Variants in CTNNA3 observed in about 807,000 individuals in gnomAD.
CTNNA3 encodes catenin alpha 3.
CTNNA3 carries 76 observed loss-of-function variants against 95.7 expected under a neutral mutation model. The ratio of observed to expected loss-of-function variants is 0.79; its 90% CI spans 0.66 to 0.96. CTNNA3 has a LOEUF of 0.96. CTNNA3 is among the 40% of genes least tolerant of loss of function. The pLI is 0.00. For synonymous variants in CTNNA3, 431 were observed against 374.4 expected (o/e 1.15, Z -1.74); for missense variants, 1,191 against 1,089.8 (o/e 1.09, Z -1.31).
At chr10:66,835,332 G>A (rs903436168) in intron 7 of CTNNA3, among the ~76,000 whole-genome samples, 3 of 152,192 alleles carry the variant, frequency 2.0e-5, no homozygotes, top group Non-Finnish European at 4.4e-5. Context: ...TGGACCAGCA[G>A]CATGATCATC....
intron 9 of CTNNA3, among the ~76,000 whole-genome samples, chr10:66,677,144 T>A (rs1229376373): frequency 6.6e-6 from 1 of 152,134 alleles, no homozygotes; most frequent in Non-Finnish European, 1.5e-5. Context: ...AATGACTGGT[T>A]TGAGCCAGAT....
chr10:67,522,107 A>G (rs1840005442), intron 4 of CTNNA3, 146 bp from the exon 5 acceptor site: 9 of 775,698 alleles, frequency 1.2e-5, no homozygotes, highest in East Asian at 2.7e-5. Flanking sequence ...TTATCTTTCA[A>G]TGAAATAATT....
At chr10:67,442,426 A>G (rs552640574) in intron 5 of CTNNA3, among the ~76,000 whole-genome samples, 4 of 151,910 alleles carry the variant, frequency 2.6e-5, no homozygotes, top group Admixed American at 2.6e-4. Context: ...TAAACAGATT[A>G]AAAAAAAGAG....
At position 67,277,955 on chromosome 10, in the gene CTNNA3, A is replaced by G. The variant is rs117855715; in HGVS notation, c.580-58085T>C. Among the ~76,000 whole-genome samples the G allele has an allele frequency of 0.018, 2,774 of 152,248 alleles. 232 individuals are homozygous for G. The East Asian group carries it at 0.25, about 14-fold the overall frequency. Reference sequence around the variant, plus strand: ...CAAGAAATAACTATAAGTATTATCAATAGAGCAGTCCAAGATGCTGCCCTG... The same window carrying G: ...CAAGAAATAACTATAAGTATTATCAGTAGAGCAGTCCAAGATGCTGCCCTG... On this transcript the variant is annotated intron_variant, in intron 5 of 17. Transcript: ENST00000433211.
At chr10:66,979,691 T>C (rs1850296962) in intron 7 of CTNNA3, among the ~76,000 whole-genome samples, 1 of 152,194 alleles carries the variant, frequency 6.6e-6, no homozygotes, top group Non-Finnish European at 1.5e-5. Flanking sequence ...ATAGGTGAGA[T>C]ACAGAGTACT....
At position 67,232,179 on chromosome 10, in the gene CTNNA3, C is replaced by A. The variant is rs375487214; in HGVS notation, c.580-12309G>T. ...CAGAGAACGCCACAAAGACACTCCT[C>A]GAGAAGAGCAACTCCAAGACACATA... On this transcript the variant is annotated intron_variant, in intron 5 of 17. Transcript: ENST00000433211. 6.8e-4 allele frequency among the ~76,000 whole-genome samples: 103 copies of A among 152,088 alleles called. 3 individuals are homozygous for A. The East Asian group carries it at 0.019, about 28-fold the overall frequency.
At chr10:67,238,987 A>G (rs886357360) in intron 5 of CTNNA3, among the ~76,000 whole-genome samples, 2 of 152,222 alleles carry the variant, frequency 1.3e-5, no homozygotes, top group African/African-American at 4.8e-5. Context: ...TAGAAACTCC[A>G]GATATGATTA....
intron 5 of CTNNA3, among the ~76,000 whole-genome samples, chr10:67,436,925 A>G (rs1012384366): frequency 6.6e-6 from 1 of 152,216 alleles, no homozygotes; most frequent in African/African-American, 2.4e-5. Context: ...AGATTTCTTA[A>G]AGAACTGAAA....
rs1477331294 is a variant in CTNNA3 at position 67,123,497 on chromosome 10, C to CA, written c.1047+56819dup. The stretch of plus-strand genomic sequence containing the variant: ...TATTTAATTTTATTTTGTCTTATAA[C>CA]AAAAAACTTTTTACTTTAAATCATT... On this transcript the variant is annotated intron_variant, in intron 7 of 17. Transcript: ENST00000433211. Among the ~76,000 whole-genome samples the CA allele has an allele frequency of 2.0e-5, 3 of 152,192 alleles. No individual in the cohort carries two copies. In the East Asian group the frequency reaches 5.8e-4, roughly 29 times the overall value.
chr10:67,278,317 G>A (rs971756544), intron 5 of CTNNA3, among the ~76,000 whole-genome samples: 1 of 152,166 alleles, frequency 6.6e-6, no homozygotes. Flanking sequence ...GGGAGGTCCA[G>A]AGAACATGTG....
At chr10:67,472,364 T>C (rs1847859724) in intron 5 of CTNNA3, among the ~76,000 whole-genome samples, 1 of 152,072 alleles carries the variant, frequency 6.6e-6, no homozygotes, top group Admixed American at 6.5e-5. Flanking sequence ...AGACAACAGG[T>C]CACAAGACAT....
At chr10:65,973,660 C>T (rs1248840164) in intron 16 of CTNNA3, among the ~76,000 whole-genome samples, 1 of 152,060 alleles carries the variant, frequency 6.6e-6, no homozygotes, top group African/African-American at 2.4e-5. Context: ...ATCCACTTGG[C>T]TTTGGGGTGG....
intron 11 of CTNNA3, among the ~76,000 whole-genome samples, chr10:66,466,739 C>A (rs1485334530): frequency 6.6e-6 from 1 of 152,116 alleles, no homozygotes; most frequent in South Asian, 2.1e-4. Context: ...GGCCCAGGAG[C>A]TTATTAAAAA....
rs549553395 is a variant in CTNNA3, at chr10:66,269,742, CT to C, written c.1884+10727del. Among the ~76,000 whole-genome samples the C allele has an allele frequency of 7.2e-5, 11 of 152,268 alleles. No individual in the cohort carries two copies. In the South Asian group the frequency reaches 2.3e-3, roughly 32 times the overall value. On this transcript the variant is annotated intron_variant, in intron 13 of 17. Coordinates refer to ENST00000433211, the MANE Select transcript of CTNNA3 (RefSeq NM_013266.4). The stretch of plus-strand genomic sequence containing the variant: ...ATTCCACAAACTCTATCCTTAGGAT[CT>C]TTTTTTCCCATAACCCAGCCACTAA...
chr10:65,994,031 A>C (rs769626487), intron 15 of CTNNA3, among the ~76,000 whole-genome samples: 6 of 152,132 alleles, frequency 3.9e-5, no homozygotes, highest in Admixed American at 1.3e-4. Context: ...ACCAAGCTAT[A>C]TCTTTTAAGA....
In CTNNA3 at chr10:66,149,288, T is replaced by C. The variant is rs911268741; in HGVS notation, c.1885-46039A>G. 2.7e-5 allele frequency among the ~76,000 whole-genome samples: 4 copies of C among 149,520 alleles called. No homozygotes were observed. The Admixed American group carries it at 2.7e-4, about 10-fold the overall frequency. ...GCCATATCATTAAAATATATGCATA[T>C]GTATATTTAAATATAAGGAATGTTC... On this transcript the variant is annotated intron_variant, in intron 13 of 17. Coordinates refer to ENST00000433211, the MANE Select transcript of CTNNA3 (RefSeq NM_013266.4).
chr10:66,544,846 T>A (rs1199888173), intron 10 of CTNNA3, among the ~76,000 whole-genome samples: 1 of 152,144 alleles, frequency 6.6e-6, no homozygotes, highest in East Asian at 1.9e-4. Flanking sequence ...GCATATTGTG[T>A]ACTTTTCATT....
At chr10:66,062,378 G>T in intron 15 of CTNNA3, among the ~76,000 whole-genome samples, 1 of 151,948 alleles carries the variant, frequency 6.6e-6, no homozygotes, top group Non-Finnish European at 1.5e-5. Context: ...ACCAAATGGG[G>T]GACTACTAGC....
At chr10:66,887,473 C>T (rs756214528) in intron 7 of CTNNA3, among the ~76,000 whole-genome samples, 8 of 151,894 alleles carry the variant, frequency 5.3e-5, no homozygotes, top group Admixed American at 1.3e-4. Flanking sequence ...TAAACTCTTA[C>T]GTAATTATTT....
Sources: allele counts gnomAD v4.1 joint callset (sites outside exome capture counted in the v4.1 genomes callset), GRCh38; gene constraint gnomAD v4.1.1; transcripts MANE v1.5; gene names NCBI Gene and HGNC (gene_info 2026-07-23, HGNC 2026-07-21).